NTRK3: variants seen among roughly 807,000 people sequenced by gnomAD.
NTRK3 encodes NT-3 growth factor receptor.
Under a neutral mutation model 91.7 loss-of-function variants are expected in NTRK3, and 24 were observed. That is an observed-to-expected ratio of 0.26 (90% CI 0.19 to 0.37). The LOEUF (loss-of-function observed/expected upper bound fraction) is 0.37. NTRK3 is among the 10% of genes least tolerant of loss of function. NTRK3 has a pLI of 1.00. For synonymous variants in NTRK3, 483 were observed against 404.0 expected, an observed-to-expected ratio of 1.20 and a Z score of -2.34; for missense variants, 880 against 1,068.9, an observed-to-expected ratio of 0.82 and a Z score of 2.46.
intron 13 of NTRK3, among the ~76,000 whole-genome samples, chr15:88,115,599 C>T (rs1445793990): frequency 1.3e-5 from 2 of 152,170 alleles, no homozygotes; most frequent in Admixed American, 6.5e-5. Flanking sequence ...GCACAGAGGC[C>T]CCTTTGAATT....
At chr15:87,999,854 C>T (rs2141607971) in intron 14 of NTRK3, among the ~76,000 whole-genome samples, 1 of 152,166 alleles carries the variant, frequency 6.6e-6, no homozygotes, top group African/African-American at 2.4e-5. Flanking sequence ...CAATATGATT[C>T]CATAGAACCA....
intron 17 of NTRK3, among the ~76,000 whole-genome samples, chr15:87,905,500 C>A (rs1024977413): frequency 3.3e-5 from 5 of 152,124 alleles, no homozygotes; most frequent in African/African-American, 1.2e-4. Context: ...ATAAATGCAA[C>A]ATTACACAGT....
At chr15:87,866,527 A>G (rs917618404) in exon 19 of NTRK3, 2 of 171,464 alleles carry the variant, frequency 1.2e-5, no homozygotes, top group Non-Finnish European at 2.5e-5. Context: ...TTTAATATGT[A>G]TATATATTAA....
exon 19 of NTRK3, chr15:87,861,903 C>T (rs953266378): frequency 1.3e-4 from 29 of 215,080 alleles, no homozygotes; most frequent in African/African-American, 6.5e-4. Context: ...ACATTTCCCC[C>T]AGCCAGCAGA....
intron 14 of NTRK3, among the ~76,000 whole-genome samples, chr15:87,991,635 T>C (rs1175909020): frequency 6.6e-6 from 1 of 152,196 alleles, no homozygotes; most frequent in East Asian, 1.9e-4. Flanking sequence ...GCCAATTCTC[T>C]AAAGTCATAT....
At chr15:87,879,757 T>C (rs1318750071) in intron 18 of NTRK3, among the ~76,000 whole-genome samples, 1 of 152,162 alleles carries the variant, frequency 6.6e-6, no homozygotes, top group Non-Finnish European at 1.5e-5. Flanking sequence ...ATAAACATAG[T>C]AAAAACATAG....
intron 3 of NTRK3, among the ~76,000 whole-genome samples, chr15:88,246,770 T>A (rs4887397): frequency 0.86 from 130,921 of 152,198 alleles, 56,485 homozygotes; most frequent in East Asian, 0.99. Flanking sequence ...GTCCGGGTCC[T>A]GGAGTCTCAC....
chr15:87,904,965 C>T (rs1297937907), intron 17 of NTRK3, among the ~76,000 whole-genome samples: 2 of 152,150 alleles, frequency 1.3e-5, no homozygotes, highest in African/African-American at 4.8e-5. Context: ...ATGATGCTTT[C>T]CTCCTCAGCC....
intron 14 of NTRK3, among the ~76,000 whole-genome samples, chr15:87,969,375 C>A (rs2073070049): frequency 6.6e-6 from 1 of 152,084 alleles, no homozygotes; most frequent in South Asian, 2.1e-4. Context: ...TTGCGTCCCC[C>A]AACTCATATA....
At position 88,184,215 on chromosome 15, in the gene NTRK3, G is replaced by C. The variant is rs202090345; in HGVS notation, c.323+10C>G. On this transcript the variant is annotated intron_variant, in intron 4 of 18. Coordinates refer to ENST00000394480, the Ensembl canonical transcript of NTRK3. ...CAGGGAAAGGCCTCTCTGTGGCCGG[G>C]TGTACTCACAGCTTTTGAAGTCCGG... 1.5e-5 allele frequency: 24 copies of C among 1,613,912 alleles called. No individual in the cohort carries two copies. The East Asian group carries it at 5.1e-4, about 34-fold the overall frequency.
At chr15:88,017,621 G>C (rs2077326516) in intron 14 of NTRK3, among the ~76,000 whole-genome samples, 2 of 152,186 alleles carry the variant, frequency 1.3e-5, no homozygotes, top group African/African-American at 4.8e-5. Context: ...TATATGTGAA[G>C]GGAGGGGGGA....
chr15:88,149,588 C>T (rs575359818), intron 5 of NTRK3, among the ~76,000 whole-genome samples: 32 of 152,316 alleles, frequency 2.1e-4, no homozygotes, highest in Admixed American at 1.6e-3. Context: ...TTCCTACAAA[C>T]TTCCACTGTT....
At chr15:87,869,134 A>T (rs2141401369) in exon 19 of NTRK3, 1 of 229,134 alleles carries the variant, frequency 4.4e-6, no homozygotes, top group East Asian at 6.2e-5. Context: ...TACAATGACA[A>T]TCTCTGTCAC....
At chr15:88,232,189 T>C (rs4887395) in intron 3 of NTRK3, among the ~76,000 whole-genome samples, 124,217 of 151,750 alleles carry the variant, frequency 0.82, 51,694 homozygotes, top group East Asian at 0.98. Flanking sequence ...CACCTCCCTC[T>C]CTATCCAGGT....
exon 12 of NTRK3, chr15:88,127,203 G>A (rs970508396): frequency 6.2e-7 from 1 of 1,614,070 alleles, no homozygotes; most frequent in South Asian, 1.1e-5. Context: ...ACAGTGATAG[G>A]AGGTGTGGGA....
rs533897798 is a variant in NTRK3, at chr15:88,120,026, A to G, written c.1396+6245T>C. On this transcript the variant is annotated intron_variant, in intron 13 of 18. Transcript: ENST00000394480. ...TGAGAAAGAAATGCCAACCTACAGC[A>G]TCAAAACTCAGGAGTCCTAGATCCC... is the stretch of plus-strand genomic sequence containing the variant. Among the ~76,000 whole-genome samples the G allele has an allele frequency of 1.3e-3, 198 of 152,312 alleles. 1 individual carries two copies. The highest frequency in any genetic ancestry group is 4.6e-3 in the African/African-American group (190 of 41,570).
chr15:88,190,910 C>A (rs1038099555), intron 3 of NTRK3, among the ~76,000 whole-genome samples: 1 of 152,086 alleles, frequency 6.6e-6, no homozygotes, highest in African/African-American at 2.4e-5. Flanking sequence ...GTAAAGTAAG[C>A]GTAAATAGGA....
At chr15:88,099,639 G>A (rs1296638552) in intron 13 of NTRK3, among the ~76,000 whole-genome samples, 1 of 152,122 alleles carries the variant, frequency 6.6e-6, no homozygotes, top group African/African-American at 2.4e-5. Flanking sequence ...TGCTAGCCGG[G>A]TCTGCCACAA....
intron 6 of NTRK3, among the ~76,000 whole-genome samples, chr15:88,139,886 C>T (rs2042218700): frequency 8.6e-6 from 1 of 116,886 alleles, no homozygotes; most frequent in Admixed American, 1.3e-4. Flanking sequence ...GCCCTGACTT[C>T]AGGAGCTCAT....
Sources: allele counts gnomAD v4.1 joint callset (sites outside exome capture counted in the v4.1 genomes callset), GRCh38; gene constraint gnomAD v4.1.1; transcripts MANE v1.5; gene names NCBI Gene and HGNC (gene_info 2026-07-23, HGNC 2026-07-21).